Variants in NOX4 observed in about 807,000 individuals in gnomAD.
NOX4 encodes NADPH oxidase 4.
Under a neutral mutation model 87.6 loss-of-function variants are expected in NOX4, and 69 were observed. The ratio of observed to expected loss-of-function variants is 0.79; its 90% confidence interval spans 0.65 to 0.96. NOX4 has a LOEUF of 0.96. Among genes scored for constraint, NOX4 ranks in the 40% least tolerant of loss-of-function variants. The pLI is 0.00. For synonymous variants in NOX4, 275 were observed against 238.2 expected, an observed-to-expected ratio of 1.15 and a Z score of -1.42; for missense variants, 680 against 681.5, an observed-to-expected ratio of 1.00 and a Z score of 0.02.
At chr11:89,491,052 T>A in intron 1 of NOX4, 138 bp downstream of exon 1, 1 of 853,724 alleles carries the variant, frequency 1.2e-6, no homozygotes, top group Non-Finnish European at 1.9e-6. Context: ...ATCTCCAGCA[T>A]AAAGTTTTGT....
chr11:89,507,813 G>A, the NOX4 span, among the ~76,000 whole-genome samples: 1 of 151,358 alleles, frequency 6.6e-6, no homozygotes, highest in African/African-American at 2.4e-5. Flanking sequence ...GCTTCTAAAG[G>A]GAATTACTAT....
chr11:89,491,049 G>T, intron 1 of NOX4, 141 bp downstream of exon 1: 1 of 836,966 alleles, frequency 1.2e-6, no homozygotes, highest in Non-Finnish European at 1.9e-6. Flanking sequence ...GTTATCTCCA[G>T]CATAAAGTTT....
At chr11:89,422,573 T>G (rs1439491967) in intron 7 of NOX4, among the ~76,000 whole-genome samples, 2 of 152,082 alleles carry the variant, frequency 1.3e-5, no homozygotes, top group East Asian at 3.9e-4. Context: ...AGAGAAACAG[T>G]TATTTTATTT....
chr11:89,374,318 T>A lies in NOX4; in HGVS notation c.1075-826A>T, dbSNP rs530966496. Reference sequence around the variant, plus strand: ...ACACATAAGCATTGTCCTACAGAATTATCCACTTGTTTGAGATGCTGACTA... The same window carrying A: ...ACACATAAGCATTGTCCTACAGAATAATCCACTTGTTTGAGATGCTGACTA... On this transcript the variant is annotated intron_variant, in intron 11 of 17. Transcript: ENST00000263317. 2.0e-5 allele frequency among the ~76,000 whole-genome samples: 3 copies of A among 152,296 alleles called. No individual in the cohort carries two copies. In the South Asian group the frequency reaches 6.2e-4, roughly 32 times the overall value.
intron 12 of NOX4, among the ~76,000 whole-genome samples, chr11:89,368,111 TA>T (rs1169034893): frequency 1.3e-5 from 2 of 151,844 alleles, no homozygotes; most frequent in African/African-American, 4.8e-5. Context: ...AGTGTATAAA[TA>T]TATTATAACA....
the NOX4 span, among the ~76,000 whole-genome samples, chr11:89,522,506 G>A: frequency 6.6e-6 from 1 of 152,100 alleles, no homozygotes; most frequent in African/African-American, 2.4e-5. Context: ...TTTACTGGGA[G>A]TGCCAAGGTT....
At chr11:89,422,662 C>G (rs1943142696) in intron 7 of NOX4, among the ~76,000 whole-genome samples, 2 of 152,116 alleles carry the variant, frequency 1.3e-5, no homozygotes, top group Non-Finnish European at 2.9e-5. Context: ...CTAGATGAAT[C>G]TGATGCTTCC....
chr11:89,499,452 T>C (rs1946994871), upstream of NOX4, among the ~76,000 whole-genome samples: 1 of 152,202 alleles, frequency 6.6e-6, no homozygotes, highest in African/African-American at 2.4e-5. Context: ...GCAAAGGTTT[T>C]AGGTTAGAAC....
chr11:89,418,266 C>G (rs1426182267), intron 8 of NOX4, among the ~76,000 whole-genome samples: 1 of 151,434 alleles, frequency 6.6e-6, no homozygotes, highest in Non-Finnish European at 1.5e-5. Flanking sequence ...AAAAGGGATA[C>G]AGAGAAGTGT....
chr11:89,379,182 A>G (rs1180124607), intron 11 of NOX4, among the ~76,000 whole-genome samples: 1 of 152,154 alleles, frequency 6.6e-6, no homozygotes, highest in East Asian at 1.9e-4. Context: ...AGAGATGTCA[A>G]CACATTTTTG....
At chr11:89,571,171 G>A in the NOX4 span, among the ~76,000 whole-genome samples, 20 of 152,076 alleles carry the variant, frequency 1.3e-4, no homozygotes, top group Admixed American at 6.6e-4. Flanking sequence ...CATTTCTTAC[G>A]TGCTCTTGAT....
chr11:89,445,475 G>A (rs985916741), intron 4 of NOX4, among the ~76,000 whole-genome samples: 1 of 151,984 alleles, frequency 6.6e-6, no homozygotes, highest in Non-Finnish European at 1.5e-5. Flanking sequence ...GACTTACTAT[G>A]AAGTTACAGT....
chr11:89,581,182 G>C, the NOX4 span, among the ~76,000 whole-genome samples: 2 of 152,178 alleles, frequency 1.3e-5, no homozygotes, highest in African/African-American at 4.8e-5. Context: ...TGGATTGACA[G>C]CAAGATAAAG....
At chr11:89,447,041 C>A (rs1478564224) in intron 4 of NOX4, among the ~76,000 whole-genome samples, 1 of 151,766 alleles carries the variant, frequency 6.6e-6, no homozygotes, top group Non-Finnish European at 1.5e-5. Context: ...ATCTGCCCTA[C>A]AGAAAAATAG....
At chr11:89,457,162 G>T (rs1446990730) in intron 2 of NOX4, among the ~76,000 whole-genome samples, 1 of 152,140 alleles carries the variant, frequency 6.6e-6, no homozygotes, top group African/African-American at 2.4e-5. Flanking sequence ...CTCTCCCCAT[G>T]TGGGCAGACC....
intron 7 of NOX4, among the ~76,000 whole-genome samples, chr11:89,424,683 T>C (rs549555119): frequency 6.6e-6 from 1 of 152,112 alleles, no homozygotes; most frequent in South Asian, 2.1e-4. Flanking sequence ...CATTTTAAAA[T>C]CAATTGAGAT....
intron 16 of NOX4, among the ~76,000 whole-genome samples, chr11:89,336,999 A>T (rs2135376289): frequency 6.6e-6 from 1 of 152,190 alleles, no homozygotes; most frequent in South Asian, 2.1e-4. Flanking sequence ...TGTTTTAATT[A>T]CATAAACTAA....
chr11:89,483,696 G>A (rs1946483053), intron 2 of NOX4, among the ~76,000 whole-genome samples: 1 of 151,950 alleles, frequency 6.6e-6, no homozygotes, highest in East Asian at 1.9e-4. Flanking sequence ...TGTACAACAT[G>A]GTGACTATAG....
At chr11:89,472,364 T>G (rs576033638) in intron 2 of NOX4, among the ~76,000 whole-genome samples, 1 of 151,780 alleles carries the variant, frequency 6.6e-6, no homozygotes, top group South Asian at 2.1e-4. Flanking sequence ...TATAATCTGC[T>G]TTTTTTTCCT....
Sources: gnomAD v4.1 joint callset for allele counts (sites outside exome capture counted in the v4.1 genomes callset) on GRCh38, gnomAD v4.1.1 for gene constraint, MANE v1.5 for transcripts, NCBI Gene and HGNC (gene_info 2026-07-23, HGNC 2026-07-21) for gene names.